Variants in FNBP4 observed in about 807,000 individuals in gnomAD.
FNBP4 encodes the protein formin-binding protein 4.
Under a neutral mutation model 119.3 loss-of-function variants are expected in FNBP4, and 34 were observed. The ratio of observed to expected loss-of-function variants is 0.28; its 90% confidence interval spans 0.22 to 0.38. FNBP4 has a LOEUF of 0.38. FNBP4 is among the 10% of genes least tolerant of loss of function. The pLI is 1.00. For synonymous variants in FNBP4, 462 were observed against 430.6 expected (o/e 1.07, Z -0.90); for missense variants, 1,112 against 1,228.9 (o/e 0.90, Z 1.42).
intron 2 of FNBP4, among the ~76,000 whole-genome samples, chr11:47,759,854 G>A (rs940471280): frequency 6.6e-6 from 1 of 152,170 alleles, no homozygotes; most frequent in Non-Finnish European, 1.5e-5. Context: ...TTGGGAGGCT[G>A]AGGCAGGAGA....
chr11:47,758,920 ATTTT>A (rs576200543), intron 2 of FNBP4, among the ~76,000 whole-genome samples: 1 of 141,160 alleles, frequency 7.1e-6, no homozygotes, highest in Admixed American at 7.1e-5. Flanking sequence ...AGTGTCTCTA[ATTTT>A]TTTTTTTTTT....
intron 9 of FNBP4, among the ~76,000 whole-genome samples, chr11:47,735,855 G>C (rs972333622): frequency 3.9e-5 from 6 of 152,042 alleles, no homozygotes; most frequent in African/African-American, 1.4e-4. Context: ...CGAGGCAGGT[G>C]TATCACGAGG....
chr11:47,724,821 C>T, intron 12 of FNBP4, 43 bp from the exon 13 acceptor site: 2 of 1,518,136 alleles, frequency 1.3e-6, no homozygotes, highest in Non-Finnish European at 8.8e-7. Context: ...AAGAAAAAAA[C>T]TCCCTGGCTT....
Position 47,720,020 on chromosome 11 carries a change from C to A in FNBP4, c.2872G>T (p.Asp958Tyr). Residue 958 changes from aspartate to tyrosine, a missense_variant, in exon 16 of 17, where the codon GAT (aspartate) becomes TAT (tyrosine). Physicochemically the swap from Asp to Tyr is radical, Grantham distance 160 (BLOSUM62 -3). This residue lies in a region of FNBP4 where 826 missense variants were observed against 988.8 expected (regional missense o/e 0.84). Transcript: ENST00000263773. ...KKWQSIQREL[D>Y]EEDNSSSSEE... The stretch of plus-strand genomic sequence containing the variant: ...CTGGAACTAGAATTGTCCTCTTCAT[C>A]TAACTCACGCTGGATACTCTGCCAC... The A allele has an allele frequency of 6.2e-7, 1 of 1,614,144 alleles. No homozygotes were observed. Among genetic ancestry groups the A allele is most frequent in the Non-Finnish European group, 8.5e-7 (1 of 1,180,006 alleles).
chr11:47,720,308 C>A (rs2097554082), intron 15 of FNBP4, among the ~76,000 whole-genome samples: 2 of 152,158 alleles, frequency 1.3e-5, no homozygotes, highest in Non-Finnish European at 2.9e-5. Flanking sequence ...GTGGCTCAAG[C>A]CTGTAATCCC....
intron 14 of FNBP4, 152 bp from the exon 15 acceptor site, chr11:47,723,468 T>C (rs2097557959): frequency 1.6e-6 from 2 of 1,228,460 alleles, no homozygotes; most frequent in African/African-American, 1.5e-5. Context: ...TAGCAAAATA[T>C]ATTAATTTTG....
chr11:47,755,927 A>G (rs1246627999), intron 2 of FNBP4, among the ~76,000 whole-genome samples: 2 of 152,234 alleles, frequency 1.3e-5, no homozygotes, highest in African/African-American at 4.8e-5. Context: ...GAATTTGGTG[A>G]TTAAAGTGTT....
rs2097567115 is a variant in FNBP4 at position 47,731,296 on chromosome 11, TC to T, written c.2008+77del. 16 of 1,348,324 alleles carry T rather than the reference TC, an allele frequency of 1.2e-5. No individual in the cohort carries two copies. In the South Asian group the frequency reaches 2.3e-4, roughly 19 times the overall value. The allele number at this position is 1,348,324 out of a possible 1,614,324, so 83.5% of individuals were successfully genotyped here. A position where few individuals can be genotyped will look rare whatever the true frequency, so the allele number is the denominator to read the frequency against. ...AAGCTTATATTATTATGACATAAAA[TC>T]TTTTAATAATGTAAATTAATAAGAT... On this transcript the variant is annotated intron_variant, in intron 12 of 16. Coordinates refer to ENST00000263773, the MANE Select transcript of FNBP4 (RefSeq NM_015308.5).
At chr11:47,743,696 G>A (rs989003571) in intron 8 of FNBP4, 2 of 471,086 alleles carry the variant, frequency 4.2e-6, no homozygotes, top group East Asian at 3.9e-5. Flanking sequence ...GCTGGGCAAC[G>A]TAGACAGAGA....
In FNBP4 at chr11:47,717,375, G is replaced by C. The variant is rs779659832; in HGVS notation, c.*47C>G. On this transcript the variant is annotated 3_prime_UTR_variant, in exon 17 of 17. Coordinates refer to ENST00000263773, the MANE Select transcript of FNBP4 (RefSeq NM_015308.5). ...ATAAAACTGGTTAAGACTTTGAACT[G>C]AACACAAAACAAACAATAATACAAA... is the stretch of plus-strand genomic sequence containing the variant. 160 of 1,306,402 alleles carry C rather than the reference G, an allele frequency of 1.2e-4. 1 individual carries two copies. Among genetic ancestry groups the C allele is most frequent in the Non-Finnish European group, 1.5e-4 (141 of 917,660 alleles). The allele number at this position is 1,306,402 out of a possible 1,614,324, so 80.9% of individuals were successfully genotyped here. A position where few individuals can be genotyped will look rare whatever the true frequency, so the allele number is the denominator to read the frequency against.
At chr11:47,730,866 G>T (rs2097566573) in intron 12 of FNBP4, among the ~76,000 whole-genome samples, 1 of 152,172 alleles carries the variant, frequency 6.6e-6, no homozygotes. Context: ...GATTTTTCAT[G>T]ATCAATTATT....
intron 2 of FNBP4, among the ~76,000 whole-genome samples, chr11:47,756,192 CT>C (rs889995225): frequency 2.2e-4 from 34 of 152,012 alleles, no homozygotes; most frequent in African/African-American, 8.2e-4. Flanking sequence ...ATGCCATTTC[CT>C]TTTGGATCAT....
rs527414869 is a variant in FNBP4 at position 47,724,885 on chromosome 11, G to A, written c.2009-107C>T. 9 of 1,425,680 alleles carry A rather than the reference G, an allele frequency of 6.3e-6. No individual in the cohort carries two copies. In the African/African-American group the frequency reaches 1.1e-4, roughly 18 times the overall value. The allele number at this position is 1,425,680 out of a possible 1,614,324, so 88.3% of individuals were successfully genotyped here. On this transcript the variant is annotated intron_variant, in intron 12 of 16. Coordinates refer to ENST00000263773, the MANE Select transcript of FNBP4 (RefSeq NM_015308.5). Reference sequence around the variant, plus strand: ...TAAGATAATCATTTATAGGAACCTAGCACAGTGTACAAAACAATACAGAAT... The same window carrying A: ...TAAGATAATCATTTATAGGAACCTAACACAGTGTACAAAACAATACAGAAT...
At chr11:47,755,594 G>A (rs1203583883) in intron 2 of FNBP4, among the ~76,000 whole-genome samples, 2 of 143,736 alleles carry the variant, frequency 1.4e-5, no homozygotes, top group South Asian at 2.1e-4. Flanking sequence ...GACCAGCCTC[G>A]AAAACATAGT....
At chr11:47,747,194 A>G (rs2097592210) in intron 6 of FNBP4, among the ~76,000 whole-genome samples, 1 of 151,934 alleles carries the variant, frequency 6.6e-6, no homozygotes, top group Admixed American at 6.6e-5. Flanking sequence ...ATGCACCACT[A>G]CACCCAGCTC....
Position 47,765,265 on chromosome 11 carries a change from C to G in FNBP4, c.313+5G>C. ...AAAAATGTAAAAAACAAAACAAAAGCATACCTGTTGCTTTAACAGCTGTGG... is the reference window on the plus strand; with the variant it reads ...AAAAATGTAAAAAACAAAACAAAAGGATACCTGTTGCTTTAACAGCTGTGG... On this transcript the variant is annotated splice_donor_5th_base_variant and intron_variant, in intron 2 of 16. Coordinates refer to ENST00000263773, the MANE Select transcript of FNBP4 (RefSeq NM_015308.5). 2 of 1,592,512 alleles carry G rather than the reference C, an allele frequency of 1.3e-6. No individual in the cohort carries two copies. The highest frequency in any genetic ancestry group is 8.6e-7 in the Non-Finnish European group (1 of 1,169,454).
intron 6 of FNBP4, among the ~76,000 whole-genome samples, chr11:47,746,917 AT>A (rs2097591528): frequency 6.6e-6 from 1 of 152,204 alleles, no homozygotes; most frequent in Admixed American, 6.5e-5. Flanking sequence ...ATTCAAATAT[AT>A]CCTCCCTGCT....
chr11:47,743,916 C>T (rs2097585784), intron 8 of FNBP4, 37 bp downstream of exon 8: 1 of 1,577,888 alleles, frequency 6.3e-7, no homozygotes, highest in Non-Finnish European at 8.7e-7. Context: ...CCCTCTATAT[C>T]TTTCAACTCT....
chr11:47,745,885 C>T (rs2097589297), intron 7 of FNBP4, among the ~76,000 whole-genome samples, 171 bp downstream of exon 7: 1 of 152,006 alleles, frequency 6.6e-6, no homozygotes, highest in South Asian at 2.1e-4. Flanking sequence ...CATCAAGGAC[C>T]AAAAAACCTA....
Sources: allele counts gnomAD v4.1 joint callset (sites outside exome capture counted in the v4.1 genomes callset), GRCh38; gene constraint gnomAD v4.1.1; regional missense constraint gnomAD v4.1.1; transcripts MANE v1.5; gene names NCBI Gene and HGNC (gene_info 2026-07-23, HGNC 2026-07-21).